The following FER variants were observed in gnomAD, a reference collection of about 807,000 sequenced individuals.
FER encodes the protein tyrosine-protein kinase Fer.
FER carries 63 observed loss-of-function variants against 111.0 expected under a neutral mutation model. That is an observed-to-expected ratio of 0.57 (90% CI 0.46 to 0.70). FER has a LOEUF of 0.70. Among genes scored for constraint, FER ranks in the 30% least tolerant of loss-of-function variants. FER has a pLI of 0.00. For synonymous variants in FER, 327 were observed against 313.9 expected (o/e 1.04, Z -0.44); for missense variants, 914 against 954.0 (o/e 0.96, Z 0.55).
At chr5:109,022,218 A>G (rs1768026864) in intron 13 of FER, among the ~76,000 whole-genome samples, 1 of 151,904 alleles carries the variant, frequency 6.6e-6, no homozygotes, top group Admixed American at 6.6e-5. Context: ...GCCCAAGCTA[A>G]TGACTGAAGT....
chr5:109,113,692 GC>G (rs1202351279), intron 17 of FER, among the ~76,000 whole-genome samples: 4 of 152,138 alleles, frequency 2.6e-5, no homozygotes, highest in African/African-American at 9.7e-5. Flanking sequence ...CTAGCACTAT[GC>G]CTGGCGCATA....
intron 4 of FER, among the ~76,000 whole-genome samples, chr5:108,834,336 G>A (rs1303479355): frequency 6.6e-6 from 1 of 152,126 alleles, no homozygotes; most frequent in East Asian, 1.9e-4. Flanking sequence ...ATATAATGTT[G>A]ATTTATCTTT....
intron 18 of FER, among the ~76,000 whole-genome samples, chr5:109,184,409 CAATTGT>C (rs1352646918): frequency 6.6e-6 from 1 of 152,176 alleles, no homozygotes; most frequent in East Asian, 1.9e-4. Context: ...AAATGCTATA[CAATTGT>C]AAGTTACTCT....
intron 17 of FER, among the ~76,000 whole-genome samples, chr5:109,106,375 T>C (rs1057045199): frequency 6.6e-6 from 1 of 152,204 alleles, no homozygotes; most frequent in African/African-American, 2.4e-5. Flanking sequence ...TTATATACTG[T>C]TGTTTAGAAT....
intron 5 of FER, among the ~76,000 whole-genome samples, chr5:108,844,996 G>GTATATATA (rs1178206742): frequency 3.8e-4 from 11 of 29,288 alleles, no homozygotes; most frequent in Admixed American, 1.2e-3. Flanking sequence ...GTGTGTGTGT[G>GTATATATA]TATATATATA....
intron 10 of FER, among the ~76,000 whole-genome samples, chr5:108,928,962 T>C (rs1476940773): frequency 6.6e-6 from 1 of 152,124 alleles, no homozygotes; most frequent in Non-Finnish European, 1.5e-5. Context: ...TATTTTTCTA[T>C]GGATTTAAAA....
At chr5:109,180,668 C>T (rs1384062356) in intron 17 of FER, 79 bp from the exon 18 acceptor site, 2 of 1,451,684 alleles carry the variant, frequency 1.4e-6, no homozygotes, top group African/African-American at 1.4e-5. Context: ...TGTAAAAATG[C>T]AAAGTGTGGA....
At chr5:109,013,236 C>A (rs547570960) in intron 13 of FER, among the ~76,000 whole-genome samples, 4 of 112,254 alleles carry the variant, frequency 3.6e-5, no homozygotes, top group Admixed American at 9.9e-5. Context: ...CCCCTCCCCC[C>A]ACCCCACAAC....
chr5:108,794,273 A>G (rs1254887633), intron 2 of FER, among the ~76,000 whole-genome samples: 2 of 146,982 alleles, frequency 1.4e-5, no homozygotes, highest in Non-Finnish European at 3.0e-5. Flanking sequence ...GCTGGAGTGC[A>G]GTGATGCAAT....
intron 10 of FER, among the ~76,000 whole-genome samples, chr5:108,933,290 C>G (rs1754965838): frequency 6.6e-6 from 1 of 152,070 alleles, no homozygotes; most frequent in South Asian, 2.1e-4. Context: ...AGGAAGGGGT[C>G]CAGTTTTAGT....
intron 5 of FER, among the ~76,000 whole-genome samples, chr5:108,837,048 CT>C (rs1425867940): frequency 2.6e-5 from 4 of 152,064 alleles, no homozygotes; most frequent in African/African-American, 9.7e-5. Flanking sequence ...ATGCTTTTAT[CT>C]TTAAATTATC....
At chr5:109,131,911 G>T (rs530834909) in intron 17 of FER, among the ~76,000 whole-genome samples, 1 of 152,086 alleles carries the variant, frequency 6.6e-6, no homozygotes, top group Admixed American at 6.6e-5. Flanking sequence ...CCGCTTTGCT[G>T]TCAGACAGAT....
At chr5:109,010,912 G>T (rs1766180210) in intron 13 of FER, among the ~76,000 whole-genome samples, 1 of 152,196 alleles carries the variant, frequency 6.6e-6, no homozygotes, top group East Asian at 1.9e-4. Flanking sequence ...TTTATTTTGT[G>T]AAGTAAAAAA....
chr5:108,985,681 T>TA (rs990517584), intron 13 of FER, among the ~76,000 whole-genome samples: 3 of 152,192 alleles, frequency 2.0e-5, no homozygotes, highest in African/African-American at 4.8e-5. Context: ...AGTGAGAACA[T>TA]ACGATGTTTG....
At chr5:109,019,949 A>C (rs1307724395) in intron 13 of FER, among the ~76,000 whole-genome samples, 1 of 151,910 alleles carries the variant, frequency 6.6e-6, no homozygotes, top group Non-Finnish European at 1.5e-5. Flanking sequence ...GCTTTTTCCT[A>C]ATGTACTTTG....
At chr5:109,011,330 A>G (rs1186706355) in intron 13 of FER, among the ~76,000 whole-genome samples, 1 of 152,178 alleles carries the variant, frequency 6.6e-6, no homozygotes, top group African/African-American at 2.4e-5. Context: ...TGCACAACGG[A>G]GGACCTCTAA....
At chr5:108,822,709 A>ATTTTATTTTAT in intron 3 of FER, among the ~76,000 whole-genome samples, 1 of 121,542 alleles carries the variant, frequency 8.2e-6, no homozygotes, top group East Asian at 2.3e-4. Flanking sequence ...ATTTTATTTT[A>ATTTTATTTTAT]TTTATTTTAT....
In FER at chr5:109,195,701, C is replaced by T. The variant is rs1317103076; in HGVS notation, c.*8126C>T. The T allele has an allele frequency of 6.6e-6, 1 of 152,216 alleles. No individual in the cohort carries two copies. Among genetic ancestry groups the T allele is most frequent in the African/African-American group, 2.4e-5 (1 of 41,466 alleles). The allele number at this position is 152,216 out of a possible 1,614,324, so 9.4% of individuals were successfully genotyped here. The stretch of plus-strand genomic sequence containing the variant: ...TCAGCTACCCAGTTGCATCCTGTGA[C>T]ATGATCAGACTGTCAATGTGGACCA... On this transcript the variant is annotated 3_prime_UTR_variant, in exon 20 of 20. Coordinates refer to ENST00000281092, the MANE Select transcript of FER (RefSeq NM_005246.4).
intron 17 of FER, among the ~76,000 whole-genome samples, chr5:109,159,954 A>G (rs1755823192): frequency 6.6e-6 from 1 of 152,126 alleles, no homozygotes; most frequent in African/African-American, 2.4e-5. Context: ...TATTAAAGTG[A>G]CAAAGAGAAA....
Sources: allele counts gnomAD v4.1 joint callset (sites outside exome capture counted in the v4.1 genomes callset), GRCh38; gene constraint gnomAD v4.1.1; transcripts MANE v1.5; gene names NCBI Gene and HGNC (gene_info 2026-07-23, HGNC 2026-07-21).